The following PCMTD2 variants were observed in gnomAD, a reference collection of about 807,000 sequenced individuals.
The protein encoded by PCMTD2 is protein-L-isoaspartate (D-aspartate) O-methyltransferase domain containing 2, also known as protein-L-isoaspartate O-methyltransferase domain-containing protein 2.
A neutral mutation model predicts 33.4 loss-of-function variants in PCMTD2; 16 were observed. The observed-to-expected ratio is 0.48, with a 90% CI of 0.32 to 0.73. The LOEUF (loss-of-function observed/expected upper bound fraction) is 0.73. PCMTD2 is among the 30% of genes least tolerant of loss of function. PCMTD2 has a pLI of 0.03. For synonymous variants in PCMTD2, 161 were observed against 160.8 expected, an observed-to-expected ratio of 1.00 and a Z score of -0.01; for missense variants, 374 against 449.9, an observed-to-expected ratio of 0.83 and a Z score of 1.53.
Position 64,273,327 on chromosome 20 carries a change from A to G in PCMTD2, c.813A>G (p.Leu271=). Residue 271 remains leucine, a synonymous_variant, in exon 6 of 6, where the codon CTA becomes CTG. Coordinates refer to ENST00000308824, the MANE Select transcript of PCMTD2 (RefSeq NM_018257.3). ...QETVSKNGNG[L]KNTPRFKRRR... ...CTGTGAGCAAAAACGGAAACGGACT[A>G]AAGAACACCCCCAGGTTTAAACGAA... 6.2e-7 allele frequency: 1 copy of G among 1,614,158 alleles called. No homozygotes were observed. Among genetic ancestry groups the G allele is most frequent in the Non-Finnish European group, 8.5e-7 (1 of 1,179,964 alleles).
chr20:64,264,649 C>A (rs933565750), intron 3 of PCMTD2, 118 bp downstream of exon 3: 2 of 631,642 alleles, frequency 3.2e-6, no homozygotes, highest in Non-Finnish European at 5.6e-6. Flanking sequence ...TGGGATGATT[C>A]TATGTGCCTG....
chr20:64,266,892 GA>G (rs1170067622), intron 4 of PCMTD2, among the ~76,000 whole-genome samples: 1 of 152,056 alleles, frequency 6.6e-6, no homozygotes, highest in African/African-American at 2.4e-5. Flanking sequence ...TGATTCTATT[GA>G]AATACTTGTT....
rs778503642 is a variant in PCMTD2, at chr20:64,273,367, C to T, written c.853C>T (p.Arg285Cys). 27 of 1,614,038 alleles carry T rather than the reference C, an allele frequency of 1.7e-5. No homozygotes were observed. Among genetic ancestry groups the T allele is most frequent in the East Asian group, 4.5e-5 (2 of 44,902 alleles). Residue 285 changes from arginine (R) to cysteine (C), a missense_variant, in exon 6 of 6, where the codon CGT becomes TGT. Physicochemically the swap from Arg to Cys is radical, Grantham distance 180. Transcript: ENST00000308824. Reference protein sequence around the residue: ...PRFKRRRVRRRRMETIVFLDK... With the variant: ...PRFKRRRVRRCRMETIVFLDK... ...GTTTAAACGAAGGAGAGTTCGCCGCCGTCGAATGGAAACGATTGTCTTTTT... is the reference window on the plus strand; with the variant it reads ...GTTTAAACGAAGGAGAGTTCGCCGCTGTCGAATGGAAACGATTGTCTTTTT...
intron 2 of PCMTD2, 49 bp downstream of exon 2, chr20:64,260,321 G>A (rs1393468845): frequency 7.5e-6 from 10 of 1,337,438 alleles, no homozygotes; most frequent in South Asian, 6.2e-5. Flanking sequence ...AGGGAAGGAG[G>A]CATCTCCTTT....
At chr20:64,263,616 T>C (rs1042635329) in intron 2 of PCMTD2, among the ~76,000 whole-genome samples, 2 of 152,220 alleles carry the variant, frequency 1.3e-5, no homozygotes, top group Admixed American at 1.3e-4. Context: ...GTGTGAATTC[T>C]GGTGGACTTT....
chr20:64,259,727 GTAT>G (rs2145754137), intron 1 of PCMTD2: 1 of 548,994 alleles, frequency 1.8e-6, no homozygotes, highest in East Asian at 3.0e-5. Flanking sequence ...ATAACTTTTA[GTAT>G]TGTTGTTTAC....
rs763189165 is a variant in PCMTD2, at chr20:64,273,257, G to C, written c.743G>C (p.Arg248Pro). ...VAVRSLQDLA[R>P]IAIRGTIKKI... ...GTTCGCAGCCTCCAGGACTTGGCTC[G>C]CATCGCCATCCGGGGCACCATTAAA... Residue 248 changes from arginine to proline, a missense_variant, in exon 6 of 6, where the codon CGC becomes CCC. Coordinates refer to ENST00000308824, the MANE Select transcript of PCMTD2 (RefSeq NM_018257.3). The C allele has an allele frequency of 6.2e-7, 1 of 1,613,824 alleles. No individual in the cohort carries two copies. Among genetic ancestry groups the C allele is most frequent in the African/African-American group, 1.3e-5 (1 of 74,884 alleles).
At position 64,268,906 on chromosome 20, in the gene PCMTD2, G is replaced by A. The variant is rs536291669; in HGVS notation, c.706+896G>A. On this transcript the variant is annotated intron_variant, in intron 5 of 5. Coordinates refer to ENST00000308824, the MANE Select transcript of PCMTD2 (RefSeq NM_018257.3). Reference sequence around the variant, plus strand: ...TTGATAATGAGCAACAATAGGACATGCAAAACGGTTAATTAGGGAAGGTTT... The same window carrying A: ...TTGATAATGAGCAACAATAGGACATACAAAACGGTTAATTAGGGAAGGTTT... 4.6e-5 allele frequency among the ~76,000 whole-genome samples: 7 copies of A among 152,292 alleles called. No homozygotes were observed. The South Asian group carries it at 1.5e-3, about 32-fold the overall frequency.
chr20:64,258,324 GTC>G (rs1161589204), intron 1 of PCMTD2, among the ~76,000 whole-genome samples: 2 of 152,158 alleles, frequency 1.3e-5, no homozygotes, highest in South Asian at 2.1e-4. Context: ...TTCCATCTAA[GTC>G]TAAGTCAGCT....
rs186826579 is a variant in PCMTD2 at position 64,273,911 on chromosome 20, G to T, written c.*311G>T. On this transcript the variant is annotated 3_prime_UTR_variant, in exon 6 of 6. Coordinates refer to ENST00000308824, the MANE Select transcript of PCMTD2 (RefSeq NM_018257.3). ...GCTCTGACGAAACACTGAAGTCTGCGTAAGAGAGACTGTTTGATGACCGTC... is the reference window on the plus strand; with the variant it reads ...GCTCTGACGAAACACTGAAGTCTGCTTAAGAGAGACTGTTTGATGACCGTC... 4.1e-6 allele frequency: 1 copy of T among 241,534 alleles called. No homozygotes were observed. Among genetic ancestry groups the T allele is most frequent in the Admixed American group, 5.0e-5 (1 of 19,990 alleles). The allele number at this position is 241,534 out of a possible 1,614,324, so 15.0% of individuals were successfully genotyped here.
At chr20:64,265,230 A>T in intron 3 of PCMTD2, 28 bp from the exon 4 acceptor site, 1 of 1,556,556 alleles carries the variant, frequency 6.4e-7, no homozygotes, top group Non-Finnish European at 8.7e-7. Context: ...TGATACTTTT[A>T]GTTGCAGGAA....
At chr20:64,263,995 C>G (rs1985544279) in intron 2 of PCMTD2, among the ~76,000 whole-genome samples, 2 of 152,096 alleles carry the variant, frequency 1.3e-5, no homozygotes, top group Non-Finnish European at 2.9e-5. Context: ...TTCATTGTGA[C>G]TTGGAAGCAT....
In PCMTD2 at chr20:64,275,991, T is replaced by A. The variant is rs1190093932; in HGVS notation, c.*2391T>A. ...ATTTTAATGAGCTGGTAAACACAAA[T>A]CATGTCAATAAAGGTAGTCAGGATA... On this transcript the variant is annotated 3_prime_UTR_variant, in exon 6 of 6. Coordinates refer to ENST00000308824, the MANE Select transcript of PCMTD2 (RefSeq NM_018257.3). 1 of 152,222 alleles carries A rather than the reference T, an allele frequency of 6.6e-6. No homozygotes were observed. Among genetic ancestry groups the A allele is most frequent in the Non-Finnish European group, 1.5e-5 (1 of 68,038 alleles). 9.4% of individuals were successfully genotyped at this position (152,222 alleles called of 1,614,324 possible).
At chr20:64,258,133 C>T (rs1026887622) in intron 1 of PCMTD2, among the ~76,000 whole-genome samples, 2 of 152,182 alleles carry the variant, frequency 1.3e-5, no homozygotes, top group Non-Finnish European at 2.9e-5. Flanking sequence ...GAAGAGGTGG[C>T]TTTGACTGAG....
chr20:64,264,659 G>C (rs1217370501), intron 3 of PCMTD2, 128 bp downstream of exon 3: 10 of 613,152 alleles, frequency 1.6e-5, no homozygotes, highest in Non-Finnish European at 2.9e-5. Context: ...CTATGTGCCT[G>C]TTCTAATTTT....
chr20:64,266,947 A>G (rs1243590146), intron 4 of PCMTD2, among the ~76,000 whole-genome samples: 1 of 152,178 alleles, frequency 6.6e-6, no homozygotes, highest in Non-Finnish European at 1.5e-5. Context: ...TTAAATAAAC[A>G]TATGTTTTGC....
intron 2 of PCMTD2, among the ~76,000 whole-genome samples, 176 bp from the exon 3 acceptor site, chr20:64,264,253 C>T (rs1276171703): frequency 1.3e-5 from 2 of 152,200 alleles, no homozygotes; most frequent in East Asian, 3.8e-4. Flanking sequence ...CAGAGAAGCC[C>T]AGGCCTCAAG....
Position 64,274,850 on chromosome 20 carries a change from C to T in PCMTD2, c.*1250C>T, listed in dbSNP as rs1336605149. ...TCACATAGCAGAATGATCAGAGTTA[C>T]ATTGCTTATTCCAAAACATTGGTTC... On this transcript the variant is annotated 3_prime_UTR_variant, in exon 6 of 6. Coordinates refer to ENST00000308824, the MANE Select transcript of PCMTD2 (RefSeq NM_018257.3). 6.6e-6 allele frequency: 1 copy of T among 152,198 alleles called. No homozygotes were observed. The highest frequency in any genetic ancestry group is 1.5e-5 in the Non-Finnish European group (1 of 68,032). 9.4% of individuals were successfully genotyped at this position (152,198 alleles called of 1,614,324 possible). A position where few individuals can be genotyped will look rare whatever the true frequency, so the allele number is the denominator to read the frequency against.
chr20:64,256,809 AG>A (rs1985188803), intron 1 of PCMTD2: 1 of 152,228 alleles, frequency 6.6e-6, no homozygotes, highest in African/African-American at 2.4e-5. Context: ...TTCATTTGTT[AG>A]AAAGCTTCTC....
Sources: allele counts gnomAD v4.1 joint callset (sites outside exome capture counted in the v4.1 genomes callset), GRCh38; gene constraint gnomAD v4.1.1; transcripts MANE v1.5; gene names NCBI Gene and HGNC (gene_info 2026-07-23, HGNC 2026-07-21).